The following MAF variants were observed in gnomAD, a reference collection of about 807,000 sequenced individuals.
The protein encoded by MAF is transcription factor Maf.
In MAF, 10 loss-of-function variants were observed where a neutral mutation model predicts 22.0. That is an observed-to-expected ratio of 0.45 (90% confidence interval 0.28 to 0.77). MAF has a LOEUF of 0.77. Ranked by LOEUF, MAF falls within the 30% of genes least tolerant of loss-of-function variation. The pLI is 0.12. For missense variants in MAF, 544 were observed against 548.4 expected (o/e 0.99, Z 0.08); for synonymous variants, 337 against 255.8 (o/e 1.32, Z -3.03).
At chr16:79,298,149 G>A in the MAF span, among the ~76,000 whole-genome samples, 1 of 152,368 alleles carries the variant, frequency 6.6e-6, no homozygotes, top group Non-Finnish European at 1.5e-5. Flanking sequence ...AGCTCAGGCG[G>A]AGCTTGAGAA....
At chr16:79,335,641 C>T in the MAF span, among the ~76,000 whole-genome samples, 1 of 152,124 alleles carries the variant, frequency 6.6e-6, no homozygotes, top group Non-Finnish European at 1.5e-5. Context: ...GGAAGGGAGG[C>T]AGTGATGTGT....
At chr16:79,506,189 T>C in the MAF span, among the ~76,000 whole-genome samples, 1 of 152,300 alleles carries the variant, frequency 6.6e-6, no homozygotes, top group African/African-American at 2.4e-5. Flanking sequence ...AACTGAATAT[T>C]TACTCTGTAA....
the MAF span, among the ~76,000 whole-genome samples, chr16:79,499,745 C>T: frequency 1.3e-5 from 2 of 152,140 alleles, no homozygotes; most frequent in African/African-American, 4.8e-5. Flanking sequence ...CAGAACTGTG[C>T]AAAATAAATT....
At chr16:79,583,574 A>G (rs2143679062), downstream of MAF, among the ~76,000 whole-genome samples, 1 of 152,326 alleles carries the variant, frequency 6.6e-6, no homozygotes, top group South Asian at 2.1e-4. Context: ...AAAGGGGCAG[A>G]GCTTAGACAT....
chr16:79,426,251 A>G, the MAF span, among the ~76,000 whole-genome samples: 4 of 152,298 alleles, frequency 2.6e-5, no homozygotes, highest in African/African-American at 4.8e-5. Flanking sequence ...TGGAAAATAC[A>G]TGCCGGATTT....
the MAF span, among the ~76,000 whole-genome samples, chr16:79,400,739 C>T: frequency 6.6e-6 from 1 of 152,256 alleles, no homozygotes; most frequent in Non-Finnish European, 1.5e-5. Context: ...ACCCTATACC[C>T]GGAGGCAGGA....
At chr16:79,227,535 T>C in the MAF span, among the ~76,000 whole-genome samples, 1 of 152,060 alleles carries the variant, frequency 6.6e-6, no homozygotes, top group Non-Finnish European at 1.5e-5. Context: ...GTTTAGCTCC[T>C]CATGTCTCCA....
chr16:79,583,391 G>A (rs1334033020), downstream of MAF, among the ~76,000 whole-genome samples: 3 of 152,140 alleles, frequency 2.0e-5, no homozygotes, highest in Non-Finnish European at 4.4e-5. Flanking sequence ...GGGTACTTAA[G>A]GCCCAGGAAG....
At chr16:79,270,568 C>A in the MAF span, among the ~76,000 whole-genome samples, 84 of 152,258 alleles carry the variant, frequency 5.5e-4, 1 homozygote, top group Non-Finnish European at 1.0e-3. Context: ...TAGTCTTAGC[C>A]CCATCATTGC....
At chr16:79,515,725 G>A in the MAF span, among the ~76,000 whole-genome samples, 127,400 of 152,096 alleles carry the variant, frequency 0.84, 53,632 homozygotes, top group East Asian at 0.92. Context: ...GGGCATGAAC[G>A]TGAGACCTGC....
At chr16:79,552,498 C>G in the MAF span, among the ~76,000 whole-genome samples, 1 of 152,214 alleles carries the variant, frequency 6.6e-6, no homozygotes, top group Non-Finnish European at 1.5e-5. Context: ...TATAAGCCAC[C>G]TGTTCTCCCT....
chr16:79,512,144 T>C, the MAF span, among the ~76,000 whole-genome samples: 3 of 152,200 alleles, frequency 2.0e-5, no homozygotes, highest in East Asian at 5.8e-4. Context: ...AATGACAATG[T>C]TTTTCTTTAT....
At chr16:79,471,309 C>G in the MAF span, among the ~76,000 whole-genome samples, 4 of 152,234 alleles carry the variant, frequency 2.6e-5, no homozygotes, top group Non-Finnish European at 5.9e-5. Context: ...ACAGAACCCT[C>G]AACTCCAAAT....
At chr16:79,391,596 A>T in the MAF span, among the ~76,000 whole-genome samples, 1 of 152,222 alleles carries the variant, frequency 6.6e-6, no homozygotes, top group Non-Finnish European at 1.5e-5. Flanking sequence ...AAGTAGAGCA[A>T]GGAGTGAAAT....
chr16:79,267,569 C>T, the MAF span, among the ~76,000 whole-genome samples: 1 of 152,142 alleles, frequency 6.6e-6, no homozygotes, highest in Non-Finnish European at 1.5e-5. Context: ...GGCTCACGGC[C>T]AATCAGCTGG....
the MAF span, among the ~76,000 whole-genome samples, chr16:79,321,645 CTTTTTTTTTTT>C: frequency 1.6e-3 from 138 of 86,972 alleles, no homozygotes; most frequent in African/African-American, 5.3e-3. Context: ...TTTTCTTTTT[CTTTTTTTTTTT>C]TTTTTTTTTT....
At chr16:79,364,964 A>G in the MAF span, among the ~76,000 whole-genome samples, 7 of 152,238 alleles carry the variant, frequency 4.6e-5, no homozygotes, top group African/African-American at 1.4e-4. Context: ...TCAGGGCACC[A>G]CTGAAGGAGT....
chr16:79,360,033 A>G, the MAF span, among the ~76,000 whole-genome samples: 1 of 152,092 alleles, frequency 6.6e-6, no homozygotes, highest in Admixed American at 6.6e-5. Context: ...ATTGGGGAAG[A>G]GGGTGGGGTG....
chr16:79,317,913 TTCACTCACTCACTCACTCAC>T, the MAF span, among the ~76,000 whole-genome samples: 10 of 144,450 alleles, frequency 6.9e-5, no homozygotes, highest in Middle Eastern at 3.2e-3. Context: ...CATTCATTCA[TTCACTCACTCACTCACTCAC>T]TCACTCACTC....
Sources: gnomAD v4.1 joint callset for allele counts (sites outside exome capture counted in the v4.1 genomes callset) on GRCh38, gnomAD v4.1.1 for gene constraint, MANE v1.5 for transcripts, NCBI Gene and HGNC (gene_info 2026-07-23, HGNC 2026-07-21) for gene names.